DSCAML1: variants seen among roughly 807,000 people sequenced by gnomAD.
The protein encoded by DSCAML1 is DS cell adhesion molecule like 1.
Under a neutral mutation model 200.5 loss-of-function variants are expected in DSCAML1, and 38 were observed. The observed-to-expected ratio is 0.19, with a 90% confidence interval of 0.15 to 0.25. The LOEUF is 0.25. Ranked by LOEUF, DSCAML1 falls within the 10% of genes least tolerant of loss-of-function variation. DSCAML1 has a pLI of 1.00. For synonymous variants in DSCAML1, 1,215 were observed against 1,165.0 expected (o/e 1.04, Z -0.87); for missense variants, 2,223 against 2,858.8 (o/e 0.78, Z 5.07).
At chr11:117,625,907 G>A (rs141956463) in intron 3 of DSCAML1, among the ~76,000 whole-genome samples, 2 of 152,312 alleles carry the variant, frequency 1.3e-5, no homozygotes, top group East Asian at 3.9e-4. Context: ...TGGGGCTGTG[G>A]CAGTCTATGA....
intron 3 of DSCAML1, among the ~76,000 whole-genome samples, chr11:117,637,995 T>C (rs2052326751): frequency 6.6e-6 from 1 of 152,148 alleles, no homozygotes; most frequent in Non-Finnish European, 1.5e-5. Flanking sequence ...ACCCCACTCC[T>C]CACATATGCA....
rs1415070607 is a variant in DSCAML1, at chr11:117,480,409, G to A, written c.2785+34C>T. 6.2e-7 allele frequency: 1 copy of A among 1,611,012 alleles called. No homozygotes were observed. The highest frequency in any genetic ancestry group is 1.1e-5 in the South Asian group (1 of 90,256). The stretch of plus-strand genomic sequence containing the variant: ...ACACGTGGCACAAGGGGCCATGGCA[G>A]GCCACGCTGTCACCCTCCTGGCCCA... On this transcript the variant is annotated intron_variant, in intron 14 of 32. Coordinates refer to ENST00000651296, the MANE Select transcript of DSCAML1 (RefSeq NM_020693.4). This position sits in a 1 kb window ranked among gnomAD's most constrained non-coding sequence, Gnocchi z 4.1.
chr11:117,428,555 G>A lies in DSCAML1; in HGVS notation c.5935C>T (p.Pro1979Ser), dbSNP rs751935158. 9.0e-6 allele frequency: 14 copies of A among 1,548,676 alleles called. 1 individual carries two copies. The Admixed American group carries it at 1.9e-4, about 21-fold the overall frequency. ...LPQRTLAMPA[P>S]PAGTAPPAPG... ...GCTGGGGGGGCTGTGCCGGCTGGGG[G>A]GGCTGGCATGGCCAGAGTCCTCTGA... The change falls in exon 33 of 33, where the codon CCC becomes TCC. Residue 1979 changes from proline (P) to serine (S), a missense_variant. Around this residue, in one of 7 missense-constraint regions of DSCAML1, gnomAD observed 280 missense variants for 213.4 expected, o/e 1.31. Transcript: ENST00000651296.
chr11:117,626,286 G>A (rs2052045921), intron 3 of DSCAML1, among the ~76,000 whole-genome samples: 2 of 151,730 alleles, frequency 1.3e-5, no homozygotes, highest in South Asian at 2.1e-4. Context: ...TGGTCCCCTG[G>A]GGATGCTACA....
Position 117,789,579 on chromosome 11 carries a change from C to G in DSCAML1, c.46+7455G>C, listed in dbSNP as rs187037591. On this transcript the variant is annotated intron_variant, in intron 1 of 32. Transcript: ENST00000651296. ...GGCCACCCTGCTGTCAGAAAACTAG[C>G]CATTGTGGAACTCAGGAGCACCATG... 2.2e-4 allele frequency among the ~76,000 whole-genome samples: 34 copies of G among 152,266 alleles called. No individual in the cohort carries two copies. The East Asian group carries it at 6.0e-3, about 27-fold the overall frequency.
chr11:117,623,593 G>A (rs138069041), intron 3 of DSCAML1, among the ~76,000 whole-genome samples: 18 of 152,250 alleles, frequency 1.2e-4, no homozygotes, highest in African/African-American at 3.1e-4. Context: ...TCACTCACCC[G>A]TTGTGGAACC....
chr11:117,518,284 A>C lies in DSCAML1; in HGVS notation c.1510+182T>G. 1 of 757,308 alleles carries C rather than the reference A, an allele frequency of 1.3e-6. No individual in the cohort carries two copies. The highest frequency in any genetic ancestry group is 1.7e-5 in the South Asian group (1 of 59,880). The allele number at this position is 757,308 out of a possible 1,614,324, so 46.9% of individuals were successfully genotyped here. ...AACTGTACCAGACACACACACGCAC[A>C]CAAGAATGGATGATGGCGCTTGAGG... On this transcript the variant is annotated intron_variant, in intron 7 of 32. Coordinates refer to ENST00000651296, the MANE Select transcript of DSCAML1 (RefSeq NM_020693.4). The surrounding 1 kb of genome is among the most constrained non-coding windows in gnomAD (Gnocchi z 6.3).
At chr11:117,654,301 C>T (rs1396081857) in intron 3 of DSCAML1, among the ~76,000 whole-genome samples, 2 of 152,148 alleles carry the variant, frequency 1.3e-5, no homozygotes, top group African/African-American at 2.4e-5. Flanking sequence ...TGTGAGTATA[C>T]TAAAGATCAC....
rs182509725 is a variant in DSCAML1 at position 117,573,131 on chromosome 11, C to T, written c.512-40609G>A. On this transcript the variant is annotated intron_variant, in intron 3 of 32. Transcript: ENST00000651296. The stretch of plus-strand genomic sequence containing the variant: ...CTTCTACGTGGCACCAGCTAGCACT[C>T]GAAGCTCACACGTGTCCTGTCGTGC... Among the ~76,000 whole-genome samples, 171 of 152,274 alleles carry T rather than the reference C, an allele frequency of 1.1e-3. 1 individual carries two copies. Among genetic ancestry groups the T allele is most frequent in the African/African-American group, 3.2e-3 (133 of 41,536 alleles).
chr11:117,652,247 T>C (rs2052647719), intron 3 of DSCAML1, among the ~76,000 whole-genome samples: 1 of 152,234 alleles, frequency 6.6e-6, no homozygotes, highest in African/African-American at 2.4e-5. Flanking sequence ...GTCTCCAGCG[T>C]GTTGCCTGCT....
intron 1 of DSCAML1, among the ~76,000 whole-genome samples, chr11:117,812,053 A>G (rs962992669): frequency 5.3e-5 from 8 of 152,108 alleles, no homozygotes; most frequent in African/African-American, 9.7e-5. Context: ...TATTTTAACC[A>G]AATTATCTGC....
At chr11:117,556,583 G>A (rs1168718904) in intron 3 of DSCAML1, among the ~76,000 whole-genome samples, 2 of 152,172 alleles carry the variant, frequency 1.3e-5, no homozygotes, top group Non-Finnish European at 2.9e-5. Flanking sequence ...GTGGAAAAAG[G>A]TGAAGACAAA....
At chr11:117,719,645 C>A (rs1388365813) in intron 3 of DSCAML1, among the ~76,000 whole-genome samples, 1 of 152,212 alleles carries the variant, frequency 6.6e-6, no homozygotes, top group Non-Finnish European at 1.5e-5. Context: ...AATTATTATA[C>A]CCATTTTATA....
intron 20 of DSCAML1, among the ~76,000 whole-genome samples, chr11:117,445,859 G>C (rs984650134): frequency 6.6e-6 from 1 of 152,140 alleles, no homozygotes; most frequent in African/African-American, 2.4e-5. Flanking sequence ...CACCCCGTGA[G>C]TCTCCTGAAA....
rs868563436 is a variant in DSCAML1, at chr11:117,700,437, C to T, written c.511+76354G>A. 2.0e-4 allele frequency among the ~76,000 whole-genome samples: 31 copies of T among 152,344 alleles called. No individual in the cohort carries two copies. The Middle Eastern group carries it at 0.017, about 84-fold the overall frequency. ...TTCACCCAGAGTCCCTGGGAAACGG[C>T]CTTTGCTCCCCAGCACTCTTGTGAC... On this transcript the variant is annotated intron_variant, in intron 3 of 32. Transcript: ENST00000651296.
chr11:117,479,010 C>T (rs959709512), intron 14 of DSCAML1, among the ~76,000 whole-genome samples: 3 of 152,242 alleles, frequency 2.0e-5, no homozygotes, highest in African/African-American at 7.2e-5. Flanking sequence ...GACCCAGGTC[C>T]CTGGACAGAG....
chr11:117,603,159 T>A (rs761165059), intron 3 of DSCAML1, among the ~76,000 whole-genome samples: 11 of 152,008 alleles, frequency 7.2e-5, no homozygotes, highest in African/African-American at 1.2e-4. Flanking sequence ...CAAGGTCCCA[T>A]ATGAGGAACT....
chr11:117,601,840 T>C (rs1310468556), intron 3 of DSCAML1, among the ~76,000 whole-genome samples: 1 of 152,234 alleles, frequency 6.6e-6, no homozygotes, highest in African/African-American at 2.4e-5. Context: ...GGGCTGGTTT[T>C]GATTCATTGG....
At chr11:117,643,223 C>T (rs147098269) in intron 3 of DSCAML1, among the ~76,000 whole-genome samples, 25 of 152,232 alleles carry the variant, frequency 1.6e-4, no homozygotes, top group African/African-American at 6.0e-4. Context: ...AGAGGTGGGA[C>T]AAGCAGAAAA....
Sources: gnomAD v4.1 joint callset for allele counts (sites outside exome capture counted in the v4.1 genomes callset) on GRCh38, gnomAD v4.1.1 for gene constraint, gnomAD v4.1.1 regional missense constraint, Gnocchi (gnomAD v3.1) non-coding constraint, MANE v1.5 for transcripts, NCBI Gene and HGNC (gene_info 2026-07-23, HGNC 2026-07-21) for gene names.